Variants in ELAVL4 observed in about 807,000 individuals in gnomAD.
The protein encoded by ELAVL4 is ELAV like RNA binding protein 4, also known as ELAV-like protein 4.
In ELAVL4, 1 loss-of-function variant was observed where a neutral mutation model predicts 35.6. The ratio of observed to expected loss-of-function variants is 0.03; its 90% CI spans 0.01 to 0.13. The LOEUF is 0.13. Among genes scored for constraint, ELAVL4 ranks in the 10% least tolerant of loss-of-function variants. The pLI is 1.00. For synonymous variants in ELAVL4, 156 were observed against 171.0 expected (o/e 0.91, Z 0.69); for missense variants, 267 against 464.9 (o/e 0.57, Z 3.91).
chr1:50,106,173 C>G, upstream of ELAVL4: 1 of 612,386 alleles, frequency 1.6e-6, no homozygotes, highest in Non-Finnish European at 2.7e-6. Context: ...CATTGTGCCA[C>G]GTAAGGCTTC....
intron 1 of ELAVL4, among the ~76,000 whole-genome samples, chr1:50,130,056 C>T (rs1404026143): frequency 6.6e-6 from 1 of 152,148 alleles, no homozygotes; most frequent in East Asian, 1.9e-4. Flanking sequence ...CAACCCAAGT[C>T]GGATCACCTC....
At position 50,200,906 on chromosome 1, in the gene ELAVL4, G is replaced by A; in HGVS notation, c.829G>A (p.Gly277Ser). 6.2e-7 allele frequency: 1 copy of A among 1,613,966 alleles called. No individual in the cohort carries two copies. Among genetic ancestry groups the A allele is most frequent in the Non-Finnish European group, 8.5e-7 (1 of 1,179,976 alleles). ...AAGCCTTGTGGGAATGAACATCCCT[G>A]GTCACACAGGAACTGGGTGGTGCAT... ...MTSLVGMNIP[G>S]HTGTGWCIFV... The change falls in exon 7 of 7, where the codon GGT becomes AGT. Residue 277 changes from glycine (G) to serine (S), a missense_variant. Physicochemically the swap from Gly to Ser is moderately conservative, Grantham distance 56. This residue lies in a region of ELAVL4 where 216 missense variants were observed against 409.5 expected (regional missense o/e 0.53). Coordinates refer to ENST00000371824, the MANE Select transcript of ELAVL4 (RefSeq NM_001144774.3).
chr1:50,174,668 C>T (rs879854238), intron 2 of ELAVL4: 2 of 152,078 alleles, frequency 1.3e-5, no homozygotes, highest in Non-Finnish European at 2.9e-5. Flanking sequence ...CTGGGCAGGG[C>T]TCCTTTCCCT....
At chr1:50,125,024 C>G (rs1216263716) in intron 1 of ELAVL4, among the ~76,000 whole-genome samples, 1 of 151,930 alleles carries the variant, frequency 6.6e-6, no homozygotes, top group Non-Finnish European at 1.5e-5. Flanking sequence ...TAAGACAAGT[C>G]CTTGCCTTTA....
rs544497128 is a variant in ELAVL4 at position 50,172,108 on chromosome 1, T to A, written c.251-4981T>A. 1.4e-4 allele frequency among the ~76,000 whole-genome samples: 21 copies of A among 152,266 alleles called. 1 individual carries two copies. The highest frequency in any genetic ancestry group is 5.9e-4 in the Admixed American group (9 of 15,290). On this transcript the variant is annotated intron_variant, in intron 2 of 6. Coordinates refer to ENST00000371824, the MANE Select transcript of ELAVL4 (RefSeq NM_001144774.3). ...GTTTTTAAAAAGCGAAAGAGCAAGG[T>A]GTGCAGATTGGCAGTGCAGAAATGC...
At chr1:50,140,460 C>T (rs980389516) in intron 1 of ELAVL4, among the ~76,000 whole-genome samples, 1 of 152,216 alleles carries the variant, frequency 6.6e-6, no homozygotes, top group African/African-American at 2.4e-5. Context: ...TATCATGTAA[C>T]CTTAAAATGC....
Position 50,133,655 on chromosome 1 carries a change from A to AAG in ELAVL4, c.10-11300_10-11299dup, listed in dbSNP as rs1169505508. 2.0e-3 allele frequency among the ~76,000 whole-genome samples: 250 copies of AAG among 127,050 alleles called. 1 individual carries two copies. Among genetic ancestry groups the AAG allele is most frequent in the East Asian group, 7.1e-3 (30 of 4,210 alleles). 83.3% of individuals were successfully genotyped at this position (127,050 alleles called of 152,430 possible). ...AGAAAGAAAGAAAGAAAGAAAGAGA[A>AAG]AGAAAGAAAGAAAGAAAGAAGCAGT... is the stretch of plus-strand genomic sequence containing the variant. On this transcript the variant is annotated intron_variant, in intron 1 of 6. Transcript: ENST00000371824.
chr1:50,109,798 T>G, intron 1 of ELAVL4: 1 of 940,782 alleles, frequency 1.1e-6, no homozygotes, highest in South Asian at 1.5e-5. Flanking sequence ...GGAGGCGGCT[T>G]GTATGTGTAG....
chr1:50,076,324 G>A (rs539213140), intron 1 of ELAVL4, among the ~76,000 whole-genome samples: 1 of 152,092 alleles, frequency 6.6e-6, no homozygotes, highest in Non-Finnish European at 1.5e-5. Flanking sequence ...GCTACATACA[G>A]TAAGATATTT....
chr1:50,083,594 G>C (rs1024904432), intron 1 of ELAVL4, among the ~76,000 whole-genome samples: 6 of 152,220 alleles, frequency 3.9e-5, no homozygotes, highest in Non-Finnish European at 8.8e-5. Flanking sequence ...CCTTCTCTGG[G>C]TCTACTAGTT....
chr1:50,121,372 G>A (rs963285980), intron 1 of ELAVL4, among the ~76,000 whole-genome samples: 9 of 152,000 alleles, frequency 5.9e-5, no homozygotes, highest in Non-Finnish European at 1.0e-4. Flanking sequence ...TTTACCTATG[G>A]ATAGTTTATT....
intron 2 of ELAVL4, among the ~76,000 whole-genome samples, chr1:50,156,142 C>G (rs887700152): frequency 6.6e-6 from 1 of 152,188 alleles, no homozygotes; most frequent in Admixed American, 6.5e-5. Flanking sequence ...AATACCAAAC[C>G]CAGTGCATCA....
intron 6 of ELAVL4, among the ~76,000 whole-genome samples, chr1:50,200,091 GT>G (rs1644311610): frequency 6.6e-6 from 1 of 152,174 alleles, no homozygotes. Flanking sequence ...GCATAAAGGA[GT>G]AATACATCTT....
chr1:50,052,672 A>C (rs999795806), intron 1 of ELAVL4, among the ~76,000 whole-genome samples: 9 of 152,182 alleles, frequency 5.9e-5, no homozygotes, highest in African/African-American at 1.9e-4. Flanking sequence ...TTATGGACCA[A>C]AATTTGCCAC....
At chr1:50,098,482 TA>T (rs1450975534) in intron 1 of ELAVL4, among the ~76,000 whole-genome samples, 1 of 152,194 alleles carries the variant, frequency 6.6e-6, no homozygotes, top group African/African-American at 2.4e-5. Context: ...AAAGGAAGGT[TA>T]ACATGAAATA....
intron 1 of ELAVL4, among the ~76,000 whole-genome samples, chr1:50,087,199 A>G (rs1665285942): frequency 6.6e-6 from 1 of 152,352 alleles, no homozygotes; most frequent in Admixed American, 6.5e-5. Flanking sequence ...ACAGCCAACC[A>G]GAAATGGAAT....
intron 3 of ELAVL4, among the ~76,000 whole-genome samples, chr1:50,185,910 C>T (rs972442346): frequency 1.3e-5 from 2 of 152,178 alleles, no homozygotes; most frequent in African/African-American, 4.8e-5. Flanking sequence ...GAGTTGCAGT[C>T]TAGTGAAGAG....
intron 1 of ELAVL4, among the ~76,000 whole-genome samples, chr1:50,132,937 C>G (rs1671110664): frequency 6.6e-6 from 1 of 152,160 alleles, no homozygotes; most frequent in Admixed American, 6.5e-5. Context: ...CTACTCTGTA[C>G]TTGTTTATAT....
intron 2 of ELAVL4, among the ~76,000 whole-genome samples, chr1:50,165,883 G>A (rs190822599): frequency 2.0e-5 from 3 of 151,666 alleles, no homozygotes; most frequent in African/African-American, 7.3e-5. Flanking sequence ...ACAATCACAA[G>A]GTCCCGCAAT....
Sources: gnomAD v4.1 joint callset for allele counts (sites outside exome capture counted in the v4.1 genomes callset) on GRCh38, gnomAD v4.1.1 for gene constraint, gnomAD v4.1.1 regional missense constraint, MANE v1.5 for transcripts, NCBI Gene and HGNC (gene_info 2026-07-23, HGNC 2026-07-21) for gene names.